The following ADAM22 variants were observed in gnomAD, a reference collection of about 807,000 sequenced individuals.
ADAM22 encodes the protein ADAM metallopeptidase domain 22, also known as disintegrin and metalloproteinase domain-containing protein 22.
ADAM22 carries 65 observed loss-of-function variants against 144.6 expected under a neutral mutation model. That is an observed-to-expected ratio of 0.45 (90% confidence interval 0.37 to 0.55). The LOEUF (loss-of-function observed/expected upper bound fraction) is 0.55. Ranked by LOEUF, ADAM22 falls within the 20% of genes least tolerant of loss-of-function variation. ADAM22 has a pLI of 0.00. For missense variants in ADAM22, 974 were observed against 1,184.9 expected (o/e 0.82, Z 2.61); for synonymous variants, 391 against 412.6 (o/e 0.95, Z 0.63).
chr7:87,970,257 G>C (rs1850117356), intron 2 of ADAM22, among the ~76,000 whole-genome samples: 1 of 150,722 alleles, frequency 6.6e-6, no homozygotes, highest in African/African-American at 2.5e-5. Context: ...ATATATATAT[G>C]TATTTATTAA....
intron 2 of ADAM22, among the ~76,000 whole-genome samples, chr7:87,944,051 T>A (rs545004038): frequency 1.3e-5 from 2 of 152,308 alleles, no homozygotes; most frequent in South Asian, 4.1e-4. Flanking sequence ...GAACTCCTGG[T>A]TGAGTTGTGT....
intron 3 of ADAM22, among the ~76,000 whole-genome samples, chr7:88,041,714 T>A (rs1332298370): frequency 6.6e-6 from 1 of 152,038 alleles, no homozygotes; most frequent in Non-Finnish European, 1.5e-5. Flanking sequence ...TAAAGTGTAA[T>A]GTAAAGTGAC....
chr7:87,954,127 A>G (rs1846008241), intron 2 of ADAM22, among the ~76,000 whole-genome samples: 1 of 151,990 alleles, frequency 6.6e-6, no homozygotes, highest in Non-Finnish European at 1.5e-5. Context: ...TAATTGGAGC[A>G]TTTAGTCCAT....
intron 3 of ADAM22, among the ~76,000 whole-genome samples, chr7:88,055,400 G>C (rs112239574): frequency 2.7e-5 from 4 of 149,776 alleles, no homozygotes; most frequent in Non-Finnish European, 5.9e-5. Flanking sequence ...CTTTCTTTTT[G>C]CTGGGGGACC....
chr7:88,167,782 A>G (rs997692083), intron 24 of ADAM22, among the ~76,000 whole-genome samples: 2 of 152,134 alleles, frequency 1.3e-5, no homozygotes, highest in Non-Finnish European at 2.9e-5. Flanking sequence ...GCACAATAAC[A>G]TTTCTAGAAT....
intron 2 of ADAM22, among the ~76,000 whole-genome samples, chr7:87,971,721 A>G (rs1296135446): frequency 6.6e-6 from 1 of 152,208 alleles, no homozygotes; most frequent in Non-Finnish European, 1.5e-5. Context: ...TCTTGGTATT[A>G]TACTGATTCT....
chr7:88,193,054 T>G lies in ADAM22; in HGVS notation c.2751-62T>G, dbSNP rs561631739. 3.2e-5 allele frequency: 52 copies of G among 1,604,978 alleles called. 1 individual carries two copies. In the African/African-American group the frequency reaches 5.2e-4, roughly 16 times the overall value. Reference sequence around the variant, plus strand: ...AGAGGGTTTGTTCTGAACACACTTTTCAGATATTTGAAAAATGTTAGGCAA... The same window carrying G: ...AGAGGGTTTGTTCTGAACACACTTTGCAGATATTTGAAAAATGTTAGGCAA... On this transcript the variant is annotated intron_variant, in intron 30 of 31. Transcript: ENST00000413139.
chr7:88,073,593 T>C (rs1209704802), intron 3 of ADAM22, among the ~76,000 whole-genome samples: 5 of 152,218 alleles, frequency 3.3e-5, no homozygotes, highest in African/African-American at 4.8e-5. Flanking sequence ...TCAAATCACG[T>C]AATTCACTAA....
chr7:88,081,365 C>A (rs1318398476), intron 4 of ADAM22, among the ~76,000 whole-genome samples: 1 of 152,246 alleles, frequency 6.6e-6, no homozygotes, highest in East Asian at 1.9e-4. Flanking sequence ...CTATCTATAA[C>A]AAACCCACAG....
At chr7:88,059,977 T>A (rs1809329660) in intron 3 of ADAM22, among the ~76,000 whole-genome samples, 1 of 152,052 alleles carries the variant, frequency 6.6e-6, no homozygotes, top group African/African-American at 2.4e-5. Flanking sequence ...ACAATATATA[T>A]ACATGCACAT....
chr7:88,060,364 C>A (rs1262607102), intron 3 of ADAM22, among the ~76,000 whole-genome samples: 1 of 152,174 alleles, frequency 6.6e-6, no homozygotes, highest in East Asian at 1.9e-4. Flanking sequence ...TGGACTTAAT[C>A]CTCTAGAACT....
intron 2 of ADAM22, among the ~76,000 whole-genome samples, chr7:87,943,100 GTATT>G (rs1162230164): frequency 6.7e-6 from 1 of 149,744 alleles, no homozygotes; most frequent in Non-Finnish European, 1.5e-5. Flanking sequence ...ATAAGGATTA[GTATT>G]TATTAACTTA....
At chr7:88,048,920 T>C (rs779312981) in intron 3 of ADAM22, among the ~76,000 whole-genome samples, 1 of 152,218 alleles carries the variant, frequency 6.6e-6, no homozygotes, top group African/African-American at 2.4e-5. Flanking sequence ...TAGATTTTTA[T>C]CTAAAAATGT....
At chr7:87,981,095 C>T (rs572446581) in intron 3 of ADAM22, among the ~76,000 whole-genome samples, 2 of 152,210 alleles carry the variant, frequency 1.3e-5, no homozygotes, top group South Asian at 2.1e-4. Flanking sequence ...AATTAAACTG[C>T]TCCAAACAAT....
chr7:87,987,934 C>T (rs1382455081), intron 3 of ADAM22, among the ~76,000 whole-genome samples: 1 of 152,152 alleles, frequency 6.6e-6, no homozygotes, highest in Non-Finnish European at 1.5e-5. Flanking sequence ...TACCCTTGTC[C>T]TGTGAGTGTT....
In ADAM22 at chr7:87,935,127, G is replaced by A; in HGVS notation, c.187G>A (p.Asp63Asn). Residue 63 changes from aspartate to asparagine, a missense_variant, in exon 2 of 32, where the codon GAC becomes AAC. Coordinates refer to ENST00000413139, the MANE Select transcript of ADAM22 (RefSeq NM_001324418.2). ...CCTCATCTACCGCTCGGGCGGCGAA[G>A]ACGAAAGTCGGCACGACGCGCTCGA... ...LRLIYRSGGE[D>N]ESRHDALDTR... The A allele has an allele frequency of 6.2e-7, 1 of 1,613,738 alleles. No individual in the cohort carries two copies. Among genetic ancestry groups the A allele is most frequent in the Non-Finnish European group, 8.5e-7 (1 of 1,179,910 alleles).
chr7:87,981,280 T>C (rs1853349449), intron 3 of ADAM22, among the ~76,000 whole-genome samples: 1 of 152,178 alleles, frequency 6.6e-6, no homozygotes, highest in Admixed American at 6.5e-5. Flanking sequence ...TTTTATAGCC[T>C]GCTTTTTTTG....
intron 13 of ADAM22, among the ~76,000 whole-genome samples, chr7:88,135,431 A>T (rs1029235399): frequency 6.6e-6 from 1 of 152,066 alleles, no homozygotes; most frequent in Non-Finnish European, 1.5e-5. Context: ...CATTTTACAG[A>T]TGAAGTGACT....
At chr7:88,039,569 G>C (rs1008553129) in intron 3 of ADAM22, among the ~76,000 whole-genome samples, 3 of 148,206 alleles carry the variant, frequency 2.0e-5, no homozygotes, top group African/African-American at 7.4e-5. Flanking sequence ...GACAGGGACA[G>C]ATAATATAAT....
Sources: gnomAD v4.1 joint callset for allele counts (sites outside exome capture counted in the v4.1 genomes callset) on GRCh38, gnomAD v4.1.1 for gene constraint, MANE v1.5 for transcripts, NCBI Gene and HGNC (gene_info 2026-07-23, HGNC 2026-07-21) for gene names.